Variants in DPM1 observed in about 807,000 individuals in gnomAD.
DPM1 encodes the protein dolichol-phosphate mannosyltransferase subunit 1.
Under a neutral mutation model 39.0 loss-of-function variants are expected in DPM1, and 27 were observed. That is an observed-to-expected ratio of 0.69 (90% CI 0.51 to 0.95). The LOEUF is 0.95. Among genes scored for constraint, DPM1 ranks in the 40% least tolerant of loss-of-function variants. The pLI is 0.00. For synonymous variants in DPM1, 124 were observed against 109.0 expected (o/e 1.14, Z -0.86); for missense variants, 307 against 315.6 (o/e 0.97, Z 0.21).
chr20:50,948,843 C>T (rs577624608), intron 2 of DPM1, among the ~76,000 whole-genome samples, 181 bp from the exon 3 acceptor site: 164 of 152,008 alleles, frequency 1.1e-3, no homozygotes, highest in African/African-American at 3.8e-3. Flanking sequence ...TGGTAACAAA[C>T]CAAATAGTTT....
At chr20:50,942,266 G>T in intron 5 of DPM1, 140 bp from the exon 6 acceptor site, 1 of 759,178 alleles carries the variant, frequency 1.3e-6, no homozygotes, top group Non-Finnish European at 2.3e-6. Context: ...CTAGCACTTT[G>T]GGAGGCCGAG....
intron 5 of DPM1, chr20:50,945,062 T>C (rs1568767090): frequency 6.6e-6 from 1 of 152,478 alleles, no homozygotes; most frequent in African/African-American, 2.4e-5. Context: ...GTTAACATAA[T>C]GAATGAATTA....
chr20:50,955,489 T>A (rs1418070191), intron 1 of DPM1, among the ~76,000 whole-genome samples: 1 of 152,248 alleles, frequency 6.6e-6, no homozygotes, highest in Non-Finnish European at 1.5e-5. Context: ...AACATGCTAA[T>A]GTCCTGAGAT....
chr20:50,956,703 C>T (rs8121681), intron 1 of DPM1, among the ~76,000 whole-genome samples: 6,496 of 152,328 alleles, frequency 0.043, 296 homozygotes, highest in African/African-American at 0.11. Context: ...TGGCTTCCCA[C>T]TGTGCCTTAA....
chr20:50,947,918 T>A (rs1986380310), intron 3 of DPM1, among the ~76,000 whole-genome samples: 1 of 152,208 alleles, frequency 6.6e-6, no homozygotes, highest in Non-Finnish European at 1.5e-5. Flanking sequence ...TGAGCCACTG[T>A]GCCCAGCCTT....
chr20:50,947,162 C>G (rs530818665), intron 3 of DPM1, among the ~76,000 whole-genome samples: 1 of 152,034 alleles, frequency 6.6e-6, no homozygotes. Flanking sequence ...GAGCCGAGAT[C>G]GCGTCATCGC....
chr20:50,950,113 G>A (rs1424727370), intron 2 of DPM1, among the ~76,000 whole-genome samples: 1 of 151,576 alleles, frequency 6.6e-6, no homozygotes, highest in Non-Finnish European at 1.5e-5. Context: ...TTTATCTTTT[G>A]TGAATCTACT....
intron 7 of DPM1, among the ~76,000 whole-genome samples, chr20:50,937,829 TA>T (rs1985342806): frequency 6.6e-6 from 1 of 151,960 alleles, no homozygotes; most frequent in African/African-American, 2.4e-5. Context: ...TTATTATTAT[TA>T]TTATTATTTT....
At chr20:50,954,132 TCTATTA>T (rs1384259828) in intron 2 of DPM1, among the ~76,000 whole-genome samples, 1 of 152,196 alleles carries the variant, frequency 6.6e-6, no homozygotes, top group Admixed American at 6.5e-5. Context: ...AGAAAGTATT[TCTATTA>T]CTGAGATTTA....
chr20:50,942,374 C>T (rs567089328), intron 5 of DPM1, among the ~76,000 whole-genome samples: 2 of 152,130 alleles, frequency 1.3e-5, no homozygotes, highest in South Asian at 2.1e-4. Flanking sequence ...GGCGCGGTGG[C>T]GGGTGCCTGT....
chr20:50,957,273 G>A (rs2426214), intron 1 of DPM1, among the ~76,000 whole-genome samples: 71,976 of 152,074 alleles, frequency 0.47, 18,391 homozygotes, highest in African/African-American at 0.68. Context: ...GGTTGATAGG[G>A]AAACAGGCAC....
At chr20:50,954,323 T>C (rs1427726242) in intron 2 of DPM1, among the ~76,000 whole-genome samples, 11 of 152,146 alleles carry the variant, frequency 7.2e-5, no homozygotes, top group Non-Finnish European at 1.6e-4. Context: ...TCCAAACATT[T>C]GCAGTTGCCA....
intron 3 of DPM1, among the ~76,000 whole-genome samples, chr20:50,948,281 C>T (rs1012470391): frequency 3.9e-5 from 6 of 152,020 alleles, no homozygotes; most frequent in Non-Finnish European, 5.9e-5. Context: ...GCTCTAACAT[C>T]TCTTCCTGCC....
chr20:50,953,297 G>T (rs1451015535), intron 2 of DPM1, among the ~76,000 whole-genome samples: 1 of 152,126 alleles, frequency 6.6e-6, no homozygotes, highest in Non-Finnish European at 1.5e-5. Flanking sequence ...TCTCGCTTCA[G>T]TTGTGTCACC....
At position 50,945,287 on chromosome 20, in the gene DPM1, TGTGTGTGTGTG is replaced by T. The variant is rs1986202680; in HGVS notation, c.398+439_398+449del. On this transcript the variant is annotated intron_variant, in intron 5 of 8. Transcript: ENST00000371588. ...ATCATTTAGTCTCAAATGTGTGTTG[TGTGTGTGTGTG>T]TGTGTGTGTGTGTGTGTGTGTGTGT... is the stretch of plus-strand genomic sequence containing the variant. Among the ~76,000 whole-genome samples the T allele has an allele frequency of 2.8e-4, 12 of 42,534 alleles. No individual in the cohort carries two copies. The African/African-American group carries it at 3.5e-3, about 12-fold the overall frequency. 27.9% of individuals were successfully genotyped at this position (42,534 alleles called of 152,430 possible).
Position 50,940,939 on chromosome 20 carries a change from A to C in DPM1, c.495-6T>G. 6.2e-7 allele frequency: 1 copy of C among 1,613,742 alleles called. No homozygotes were observed. Among genetic ancestry groups the C allele is most frequent in the Non-Finnish European group, 8.5e-7 (1 of 1,179,752 alleles). On this transcript the variant is annotated splice_polypyrimidine_tract_variant and splice_region_variant and intron_variant, in intron 6 of 8. Coordinates refer to ENST00000371588, the MANE Select transcript of DPM1 (RefSeq NM_003859.3). ...TTAAAAAATTGGCCCCACGGCTGCC[A>C]AATAAAACAATCAGATCTTCTTTAC...
chr20:50,942,133 A>G lies in DPM1; in HGVS notation c.399-7T>C. ...ATTACCCTCCTTTTGCTTCCTGTAG[A>G]ATAAATTAGCTGTCAATTAGAAAAA... On this transcript the variant is annotated splice_polypyrimidine_tract_variant and splice_region_variant and intron_variant, in intron 5 of 8. Transcript: ENST00000371588. 1.2e-6 allele frequency: 2 copies of G among 1,611,258 alleles called. No homozygotes were observed. The highest frequency in any genetic ancestry group is 1.7e-6 in the Non-Finnish European group (2 of 1,177,712).
At position 50,936,168 on chromosome 20, in the gene DPM1, A is replaced by G. The variant is rs17855394; in HGVS notation, c.658T>C (p.Leu220=). The change falls in exon 8 of 9, where the codon TTG becomes CTG. Residue 220 remains leucine (L), a synonymous_variant. Transcript: ENST00000371588. Reference sequence around the variant, plus strand: ...CATACCTCGCCAATAGTATAATTCAACTGTCTTGCCCGAACAATCATCTCC... The same window carrying G: ...CATACCTCGCCAATAGTATAATTCAGCTGTCTTGCCCGAACAATCATCTCC... ...QMEMIVRARQ[L]NYTIGEVPIS... 1 of 1,613,214 alleles carries G rather than the reference A, an allele frequency of 6.2e-7. No homozygotes were observed. The highest frequency in any genetic ancestry group is 1.1e-5 in the South Asian group (1 of 91,050).
At chr20:50,944,757 T>C (rs1295266307) in intron 5 of DPM1, 1 of 152,260 alleles carries the variant, frequency 6.6e-6, no homozygotes, top group African/African-American at 2.4e-5. Context: ...TCTTTTGGGC[T>C]AAGAATTTAA....
Sources: gnomAD v4.1 joint callset for allele counts (sites outside exome capture counted in the v4.1 genomes callset) on GRCh38, gnomAD v4.1.1 for gene constraint, MANE v1.5 for transcripts, NCBI Gene and HGNC (gene_info 2026-07-23, HGNC 2026-07-21) for gene names.